DNAH14: variants seen among roughly 807,000 people sequenced by gnomAD.
DNAH14 encodes the protein axonemal beta dynein heavy chain 14.
A neutral mutation model predicts 520.9 loss-of-function variants in DNAH14; 478 were observed. The ratio of observed to expected loss-of-function variants is 0.92; its 90% CI spans 0.85 to 0.99. The LOEUF is 0.99. Ranked by LOEUF, DNAH14 falls within the 50% of genes least tolerant of loss-of-function variation. The pLI is 0.00. For missense variants in DNAH14, 4,831 were observed against 5,234.5 expected, an observed-to-expected ratio of 0.92 and a Z score of 2.38; for synonymous variants, 1,581 against 1,757.2, an observed-to-expected ratio of 0.90 and a Z score of 2.51.
intron 56 of DNAH14, 33 bp from the exon 57 acceptor site, chr1:225,303,123 A>T: frequency 7.3e-7 from 1 of 1,372,464 alleles, no homozygotes; most frequent in African/African-American, 1.5e-5. Context: ...AGTGGATTAC[A>T]TTTTAACAAT....
chr1:224,950,238 G>C (rs2060085999), intron 1 of DNAH14, among the ~76,000 whole-genome samples: 1 of 151,962 alleles, frequency 6.6e-6, no homozygotes, highest in Admixed American at 6.6e-5. Flanking sequence ...GTTTAATGCT[G>C]TTATTATTAT....
At chr1:225,242,184 T>C (rs1249706443) in intron 43 of DNAH14, among the ~76,000 whole-genome samples, 3 of 152,152 alleles carry the variant, frequency 2.0e-5, no homozygotes, top group Non-Finnish European at 4.4e-5. Flanking sequence ...CAGTGAGCCA[T>C]GATTGTGCTC....
At chr1:225,367,708 C>A in intron 76 of DNAH14, 97 bp from the exon 77 acceptor site, 1 of 806,028 alleles carries the variant, frequency 1.2e-6, no homozygotes, top group Non-Finnish European at 2.0e-6. Flanking sequence ...TACATTCTTG[C>A]CCAGTTCTTT....
intron 15 of DNAH14, among the ~76,000 whole-genome samples, chr1:225,049,146 A>G (rs1163911448): frequency 5.8e-5 from 7 of 121,462 alleles, no homozygotes; most frequent in African/African-American, 2.2e-4. Context: ...TGCAACCTCC[A>G]CCTCCCAGGT....
In DNAH14 at chr1:225,023,984, G is replaced by A. The variant is rs557887420; in HGVS notation, c.1358+119G>A. ...GTTTGAAAATTCTCCTTGTGGCAGA[G>A]TACATGTACTCATTTTTGCTATTAA... On this transcript the variant is annotated intron_variant, in intron 11 of 85. Transcript: ENST00000682510. 4.8e-4 allele frequency: 685 copies of A among 1,413,202 alleles called. 6 individuals carry two copies. In the East Asian group the frequency reaches 0.014, roughly 28 times the overall value. The allele number at this position is 1,413,202 out of a possible 1,614,324, so 87.5% of individuals were successfully genotyped here.
intron 21 of DNAH14, among the ~76,000 whole-genome samples, chr1:225,092,649 C>A (rs563118812): frequency 1.3e-5 from 2 of 151,718 alleles, no homozygotes; most frequent in African/African-American, 4.8e-5. Context: ...AACCCCAAAG[C>A]GAGGAGAAGA....
intron 82 of DNAH14, among the ~76,000 whole-genome samples, 189 bp from the exon 83 acceptor site, chr1:225,389,545 G>A (rs898728084): frequency 2.6e-5 from 4 of 152,200 alleles, no homozygotes; most frequent in African/African-American, 9.7e-5. Flanking sequence ...TCCAGCCTTT[G>A]TGGTCCCCTT....
At chr1:225,034,515 TTG>T (rs71170047) in intron 11 of DNAH14, among the ~76,000 whole-genome samples, 65 of 147,810 alleles carry the variant, frequency 4.4e-4, no homozygotes, top group African/African-American at 1.5e-3. Flanking sequence ...TGGCTTGAAT[TTG>T]TGTGTGTGTG....
At chr1:224,962,174 TG>T (rs75961689) in intron 4 of DNAH14, among the ~76,000 whole-genome samples, 8,366 of 152,200 alleles carry the variant, frequency 0.055, 469 homozygotes, top group East Asian at 0.24. Flanking sequence ...TCCTACCCTC[TG>T]GTGTACATGC....
At chr1:224,943,858 G>C (rs1459472161) in intron 1 of DNAH14, among the ~76,000 whole-genome samples, 1 of 152,152 alleles carries the variant, frequency 6.6e-6, no homozygotes, top group Non-Finnish European at 1.5e-5. Flanking sequence ...TGGTCTGAGA[G>C]GTGGTTTGTT....
Position 225,140,925 on chromosome 1 carries a change from T to C in DNAH14, c.4412T>C (p.Leu1471Pro). 1 of 1,551,370 alleles carries C rather than the reference T, an allele frequency of 6.4e-7. No homozygotes were observed. Among genetic ancestry groups the C allele is most frequent in the Middle Eastern group, 1.7e-4 (1 of 5,918 alleles). ...DTSNSRTKAI[L>P]GALLILYVHC... ...AGTAACTCTCGAACAAAAGCTATAC[T>C]AGGGGCATTGCTTATCCTTTATGTT... is the stretch of plus-strand genomic sequence containing the variant. Residue 1471 changes from leucine to proline, a missense_variant, in exon 28 of 86, where the codon CTA (leucine) becomes CCA (proline). Transcript: ENST00000682510.
In DNAH14 at chr1:225,038,842, A is replaced by G; in HGVS notation, c.1488+19A>G. ...TAATGAGGTAAAATGATCTTTGAAAAATATAAACATAGATTTTTTGCTATA... is the reference window on the plus strand; with the variant it reads ...TAATGAGGTAAAATGATCTTTGAAAGATATAAACATAGATTTTTTGCTATA... On this transcript the variant is annotated intron_variant, in intron 12 of 85. Coordinates refer to ENST00000682510, the MANE Select transcript of DNAH14 (RefSeq NM_001367479.1). 1 of 1,457,642 alleles carries G rather than the reference A, an allele frequency of 6.9e-7. No homozygotes were observed. Among genetic ancestry groups the G allele is most frequent in the South Asian group, 1.4e-5 (1 of 72,212 alleles). The allele number at this position is 1,457,642 out of a possible 1,614,324, so 90.3% of individuals were successfully genotyped here.
chr1:225,349,032 T>A (rs2095327409), intron 71 of DNAH14, among the ~76,000 whole-genome samples: 1 of 152,254 alleles, frequency 6.6e-6, no homozygotes, highest in South Asian at 2.1e-4. Context: ...AATACAGTGA[T>A]GGGATCATAG....
Position 225,331,529 on chromosome 1 carries a change from G to A in DNAH14, c.9816G>A (p.Arg3272=), listed in dbSNP as rs756240113. The A allele has an allele frequency of 3.2e-6, 5 of 1,551,304 alleles. No homozygotes were observed. Among genetic ancestry groups the A allele is most frequent in the Non-Finnish European group, 3.5e-6 (4 of 1,146,852 alleles). Residue 3272 remains arginine, a synonymous_variant, in exon 65 of 86, where the codon AGG becomes AGA. Coordinates refer to ENST00000682510, the MANE Select transcript of DNAH14 (RefSeq NM_001367479.1). The part of the protein sequence containing the change: ...LLANRKTMAS[R]RFQCASVLLT... ...CAAATCGGAAAACAATGGCCAGCAGGCGCTTTCAGTGTGCGTCAGTCTTAC... is the reference window on the plus strand; with the variant it reads ...CAAATCGGAAAACAATGGCCAGCAGACGCTTTCAGTGTGCGTCAGTCTTAC...
chr1:225,033,283 A>G (rs1394058502), intron 11 of DNAH14, among the ~76,000 whole-genome samples: 2 of 152,132 alleles, frequency 1.3e-5, no homozygotes, highest in Non-Finnish European at 2.9e-5. Flanking sequence ...TCCAGCTTCA[A>G]TCTTCTGCAT....
intron 43 of DNAH14, among the ~76,000 whole-genome samples, chr1:225,251,418 C>A (rs757444789): frequency 6.6e-6 from 1 of 152,120 alleles, no homozygotes; most frequent in African/African-American, 2.4e-5. Flanking sequence ...AAGTGATCTG[C>A]CCACCTTGGC....
At chr1:224,996,813 C>T (rs377159851) in intron 8 of DNAH14, among the ~76,000 whole-genome samples, 10 of 152,246 alleles carry the variant, frequency 6.6e-5, no homozygotes, top group African/African-American at 2.2e-4. Flanking sequence ...AGTAGAAATA[C>T]ACAGATGAGG....
At chr1:225,147,043 C>T (rs1260122057) in intron 30 of DNAH14, 61 bp from the exon 31 acceptor site, 8 of 1,289,956 alleles carry the variant, frequency 6.2e-6, no homozygotes. Context: ...AATTAATATC[C>T]CAGTAAATTT....
At chr1:225,099,620 A>G (rs2075281154) in intron 22 of DNAH14, among the ~76,000 whole-genome samples, 1 of 152,140 alleles carries the variant, frequency 6.6e-6, no homozygotes, top group Admixed American at 6.6e-5. Context: ...TGACAGACAT[A>G]GTAGGGGTTT....
Sources: allele counts gnomAD v4.1 joint callset (sites outside exome capture counted in the v4.1 genomes callset), GRCh38; gene constraint gnomAD v4.1.1; transcripts MANE v1.5; gene names NCBI Gene and HGNC (gene_info 2026-07-23, HGNC 2026-07-21).